CDH2: variants seen among roughly 807,000 people sequenced by gnomAD.
The protein encoded by CDH2 is cadherin 2.
CDH2 carries 17 observed loss-of-function variants against 92.0 expected under a neutral mutation model. The ratio of observed to expected loss-of-function variants is 0.18; its 90% CI spans 0.13 to 0.28. The LOEUF (loss-of-function observed/expected upper bound fraction) is 0.28. Among genes scored for constraint, CDH2 ranks in the 10% least tolerant of loss-of-function variants. The pLI, the probability that CDH2 is intolerant of heterozygous loss-of-function variation, is 1.00. For missense variants in CDH2, 862 were observed against 1,133.1 expected, an observed-to-expected ratio of 0.76 and a Z score of 3.44; for synonymous variants, 419 against 415.9, an observed-to-expected ratio of 1.01 and a Z score of -0.09.
At chr18:28,109,085 T>C (rs141391191) in intron 2 of CDH2, among the ~76,000 whole-genome samples, 10 of 152,302 alleles carry the variant, frequency 6.6e-5, no homozygotes, top group Admixed American at 3.3e-4. Flanking sequence ...GGAGAATAAT[T>C]AGGCTGCTAA....
At chr18:27,988,273 A>G (rs2012298637) in intron 11 of CDH2, among the ~76,000 whole-genome samples, 1 of 152,214 alleles carries the variant, frequency 6.6e-6, no homozygotes, top group African/African-American at 2.4e-5. Context: ...AGGCATCAAC[A>G]TGTGACAGGA....
chr18:28,106,774 T>C (rs1279034986), intron 2 of CDH2, among the ~76,000 whole-genome samples: 2 of 152,186 alleles, frequency 1.3e-5, no homozygotes, highest in Admixed American at 6.5e-5. Flanking sequence ...AAATAATGTA[T>C]AATTTATAAT....
chr18:28,121,712 G>A (rs1025330454), intron 2 of CDH2, among the ~76,000 whole-genome samples: 18 of 152,034 alleles, frequency 1.2e-4, no homozygotes, highest in African/African-American at 4.3e-4. Flanking sequence ...AGACACTGTA[G>A]TCCCATAAAC....
chr18:27,943,509 G>A (rs1392033823), intron 6 of CDH2, among the ~76,000 whole-genome samples: 2 of 152,206 alleles, frequency 1.3e-5, no homozygotes, highest in Non-Finnish European at 2.9e-5. Context: ...CACAACTACA[G>A]CACCTTGCTG....
chr18:28,163,363 C>G (rs898369475), intron 1 of CDH2, among the ~76,000 whole-genome samples: 9 of 152,210 alleles, frequency 5.9e-5, no homozygotes, highest in Non-Finnish European at 1.0e-4. Context: ...CTCCTTGGTA[C>G]ACATCCAAGA....
intron 2 of CDH2, among the ~76,000 whole-genome samples, chr18:28,118,603 G>C (rs767688837): frequency 6.6e-6 from 1 of 151,928 alleles, no homozygotes; most frequent in South Asian, 2.1e-4. Flanking sequence ...GTGTGTGTGT[G>C]TGTGTGTGTG....
At chr18:28,069,964 T>C (rs2014584366) in intron 2 of CDH2, among the ~76,000 whole-genome samples, 1 of 152,144 alleles carries the variant, frequency 6.6e-6, no homozygotes, top group Admixed American at 6.6e-5. Context: ...TAAAGTCCAC[T>C]TTAAGGCCTC....
intron 6 of CDH2, 69 bp from the exon 7 acceptor site, chr18:28,003,238 T>C (rs2144010830): frequency 2.5e-6 from 3 of 1,214,896 alleles, no homozygotes; most frequent in South Asian, 2.9e-5. Flanking sequence ...AGAAGGTATA[T>C]TTATTGTTTT....
At chr18:27,946,291 C>G (rs1216324710), downstream of CDH2, among the ~76,000 whole-genome samples, 3 of 151,724 alleles carry the variant, frequency 2.0e-5, no homozygotes, top group Non-Finnish European at 4.4e-5. Context: ...AAAGCTGGTT[C>G]TCTTAATAGA....
intron 2 of CDH2, among the ~76,000 whole-genome samples, chr18:28,103,376 G>A (rs919143412): frequency 6.4e-5 from 9 of 141,390 alleles, no homozygotes; most frequent in Admixed American, 2.2e-4. Context: ...TATAAAGGAT[G>A]TATATATATA....
At chr18:27,994,777 G>A (rs73400021) in intron 7 of CDH2, among the ~76,000 whole-genome samples, 87 of 152,080 alleles carry the variant, frequency 5.7e-4, no homozygotes, top group African/African-American at 2.1e-3. Flanking sequence ...TAGTTGTCAG[G>A]GGGAGGGGCA....
intron 7 of CDH2, among the ~76,000 whole-genome samples, chr18:27,996,275 A>G (rs2012578413): frequency 6.6e-6 from 1 of 152,096 alleles, no homozygotes; most frequent in African/African-American, 2.4e-5. Context: ...TGGATGTTAC[A>G]CAGAGTGAAC....
At chr18:28,148,750 G>A (rs1272743139) in intron 1 of CDH2, among the ~76,000 whole-genome samples, 2 of 152,114 alleles carry the variant, frequency 1.3e-5, no homozygotes, top group African/African-American at 4.8e-5. Flanking sequence ...GAAGAAGAAG[G>A]GAAGTCCCAG....
chr18:27,935,429 T>C (rs1029366001), intron 6 of CDH2, among the ~76,000 whole-genome samples: 1 of 152,100 alleles, frequency 6.6e-6, no homozygotes, highest in Non-Finnish European at 1.5e-5. Context: ...AGGGGGATAG[T>C]GCTAAACCAC....
rs552156735 is a variant in CDH2 at position 28,085,912 on chromosome 18, G to A, written c.172+61761C>T. ...TCATGTGAACTAATCACATGATAACGCCACAGGACACAGGTTATTAACTAC... is the reference window on the plus strand; with the variant it reads ...TCATGTGAACTAATCACATGATAACACCACAGGACACAGGTTATTAACTAC... On this transcript the variant is annotated intron_variant, in intron 2 of 15. Transcript: ENST00000269141. Among the ~76,000 whole-genome samples, 5 of 152,064 alleles carry A rather than the reference G, an allele frequency of 3.3e-5. No individual in the cohort carries two copies. The South Asian group carries it at 8.3e-4, about 25-fold the overall frequency.
At chr18:28,071,801 C>A (rs1277276022) in intron 2 of CDH2, among the ~76,000 whole-genome samples, 2 of 152,012 alleles carry the variant, frequency 1.3e-5, no homozygotes, top group Non-Finnish European at 2.9e-5. Context: ...TCCTTCTAAC[C>A]CAAGTTTGGT....
intron 2 of CDH2, among the ~76,000 whole-genome samples, chr18:28,127,488 C>T (rs911276415): frequency 3.9e-5 from 6 of 151,928 alleles, no homozygotes; most frequent in Admixed American, 1.3e-4. Flanking sequence ...CTTATCGTGG[C>T]GCAATGGTCA....
intron 6 of CDH2, among the ~76,000 whole-genome samples, chr18:27,935,063 A>G (rs1355677425): frequency 6.6e-6 from 1 of 152,248 alleles, no homozygotes; most frequent in Non-Finnish European, 1.5e-5. Context: ...TTTTTGTATT[A>G]TGCTGTTCCC....
chr18:28,090,032 C>T (rs1244893200), intron 2 of CDH2, among the ~76,000 whole-genome samples: 1 of 152,130 alleles, frequency 6.6e-6, no homozygotes, highest in Non-Finnish European at 1.5e-5. Flanking sequence ...AGCATAACTA[C>T]AAAAAATTAT....
Sources: gnomAD v4.1 joint callset for allele counts (sites outside exome capture counted in the v4.1 genomes callset) on GRCh38, gnomAD v4.1.1 for gene constraint, MANE v1.5 for transcripts, NCBI Gene and HGNC (gene_info 2026-07-23, HGNC 2026-07-21) for gene names.